ACVR1C: variants seen among roughly 807,000 people sequenced by gnomAD.
ACVR1C encodes activin A receptor type 1C, also known as activin receptor type-1C.
ACVR1C carries 23 observed loss-of-function variants against 57.9 expected under a neutral mutation model. That is an observed-to-expected ratio of 0.40 (90% CI 0.29 to 0.56). ACVR1C has a LOEUF of 0.56. ACVR1C is among the 20% of genes least tolerant of loss of function. The pLI is 0.50. For synonymous variants in ACVR1C, 214 were observed against 215.3 expected, an observed-to-expected ratio of 0.99 and a Z score of 0.05; for missense variants, 480 against 607.9, an observed-to-expected ratio of 0.79 and a Z score of 2.21.
rs564268559 is a variant in ACVR1C at position 157,528,654 on chromosome 2, T to C, written c.*5264A>G. ...TGGTATGGAACAGCAGAAATAAATT[T>C]AACAATCACATTATGGGGCATATAT... On this transcript the variant is annotated 3_prime_UTR_variant, in exon 9 of 9. Transcript: ENST00000243349. 2.0e-5 allele frequency: 3 copies of C among 152,270 alleles called. No individual in the cohort carries two copies. Among genetic ancestry groups the C allele is most frequent in the Non-Finnish European group, 4.4e-5 (3 of 67,992 alleles). 9.4% of individuals were successfully genotyped at this position (152,270 alleles called of 1,614,324 possible).
chr2:157,582,297 A>C (rs534071743), intron 2 of ACVR1C, among the ~76,000 whole-genome samples: 1 of 152,302 alleles, frequency 6.6e-6, no homozygotes, highest in South Asian at 2.1e-4. Context: ...CTGCCTTAAA[A>C]AATTTTTTTT....
At chr2:157,572,379 T>TAAAA (rs552511395) in intron 2 of ACVR1C, among the ~76,000 whole-genome samples, 2 of 136,810 alleles carry the variant, frequency 1.5e-5, no homozygotes, top group African/African-American at 5.4e-5. Context: ...AAAAAAAAAT[T>TAAAA]AAAAAAAAAA....
At chr2:157,576,299 G>A (rs146418816) in intron 2 of ACVR1C, among the ~76,000 whole-genome samples, 10,033 of 143,260 alleles carry the variant, frequency 0.07, 490 homozygotes, top group East Asian at 0.25. Context: ...TCCACCTCCC[G>A]GGTTCAAGCA....
intron 1 of ACVR1C, among the ~76,000 whole-genome samples, chr2:157,605,625 C>T (rs184080488): frequency 1.5e-4 from 23 of 151,652 alleles, no homozygotes; most frequent in Non-Finnish European, 2.7e-4. Flanking sequence ...ATAATATTTG[C>T]TTATAACCTA....
In ACVR1C at chr2:157,544,539, A is replaced by G. The variant is rs1164192911; in HGVS notation, c.849T>C (p.Asn283=). 1 of 1,613,946 alleles carries G rather than the reference A, an allele frequency of 6.2e-7. No homozygotes were observed. The highest frequency in any genetic ancestry group is 1.3e-5 in the African/African-American group (1 of 74,926). ...TTCCAGCCACGGTCACTATATTTCT[A>G]TTCAAATAGTCATATAAGGAGCCCT... ...HEQGSLYDYL[N]RNIVTVAGMI... Residue 283 remains asparagine, a synonymous_variant, in exon 5 of 9, where the codon AAT becomes AAC. Coordinates refer to ENST00000243349, the MANE Select transcript of ACVR1C (RefSeq NM_145259.3).
At chr2:157,551,277 C>G (rs1435823887) in intron 3 of ACVR1C, among the ~76,000 whole-genome samples, 1 of 152,186 alleles carries the variant, frequency 6.6e-6, no homozygotes, top group Admixed American at 6.5e-5. Context: ...ATCAATATTA[C>G]GCATCTCGCA....
intron 8 of ACVR1C, among the ~76,000 whole-genome samples, chr2:157,535,743 A>G (rs576085163): frequency 6.6e-6 from 1 of 152,308 alleles, no homozygotes; most frequent in Admixed American, 6.5e-5. Context: ...AGATCATGCC[A>G]CTGTACTCCA....
At position 157,533,568 on chromosome 2, in the gene ACVR1C, C is replaced by T. The variant is rs191510167; in HGVS notation, c.*350G>A. ...AGAAAAAAATGTTTTTACATCTTTTCCTGTTCATTCATGTGCTCTTGGTTC... is the reference window on the plus strand; with the variant it reads ...AGAAAAAAATGTTTTTACATCTTTTTCTGTTCATTCATGTGCTCTTGGTTC... On this transcript the variant is annotated 3_prime_UTR_variant, in exon 9 of 9. Transcript: ENST00000243349. 241 of 155,996 alleles carry T rather than the reference C, an allele frequency of 1.5e-3. 1 individual carries two copies. The highest frequency in any genetic ancestry group is 0.014 in the South Asian group (70 of 4,842). 9.7% of individuals were successfully genotyped at this position (155,996 alleles called of 1,614,324 possible).
At chr2:157,558,705 G>T (rs1218435918) in intron 2 of ACVR1C, among the ~76,000 whole-genome samples, 3 of 152,170 alleles carry the variant, frequency 2.0e-5, no homozygotes, top group Non-Finnish European at 2.9e-5. Context: ...AGGAGAAATT[G>T]GTCTAGAGTG....
At chr2:157,597,068 C>T (rs1558991901) in intron 1 of ACVR1C, among the ~76,000 whole-genome samples, 1 of 152,118 alleles carries the variant, frequency 6.6e-6, no homozygotes, top group African/African-American at 2.4e-5. Context: ...ACCTGTTCAG[C>T]CTTCCTGCCG....
At chr2:157,584,491 AT>A (rs144942639) in intron 2 of ACVR1C, among the ~76,000 whole-genome samples, 1,637 of 152,326 alleles carry the variant, frequency 0.011, 34 homozygotes, top group African/African-American at 0.037. Context: ...ATGAAAAATA[AT>A]TTAACATTAT....
At chr2:157,535,876 T>C (rs1286710709) in intron 8 of ACVR1C, among the ~76,000 whole-genome samples, 1 of 152,192 alleles carries the variant, frequency 6.6e-6, no homozygotes, top group Non-Finnish European at 1.5e-5. Context: ...ACATATACGT[T>C]GTTCACTTCT....
intron 2 of ACVR1C, among the ~76,000 whole-genome samples, chr2:157,580,257 G>A (rs989920126): frequency 5.3e-5 from 8 of 151,956 alleles, no homozygotes; most frequent in African/African-American, 1.9e-4. Context: ...TTTTCATCAA[G>A]TCAATTATAT....
chr2:157,612,203 G>A (rs1682550173), intron 1 of ACVR1C, among the ~76,000 whole-genome samples: 1 of 152,144 alleles, frequency 6.6e-6, no homozygotes, highest in Admixed American at 6.5e-5. Flanking sequence ...TCAGCTCCTG[G>A]CTGCAGAAGT....
intron 2 of ACVR1C, among the ~76,000 whole-genome samples, chr2:157,581,866 A>G (rs1688800081): frequency 6.6e-6 from 1 of 152,214 alleles, no homozygotes; most frequent in Non-Finnish European, 1.5e-5. Flanking sequence ...ACATTTCTAT[A>G]TTTCCTGTTT....
At chr2:157,542,907 A>G in intron 5 of ACVR1C, 45 bp from the exon 6 acceptor site, 1 of 1,578,554 alleles carries the variant, frequency 6.3e-7, no homozygotes, top group Non-Finnish European at 8.6e-7. Flanking sequence ...TTTACCGGAG[A>G]CTGTTCAAGA....
intron 1 of ACVR1C, among the ~76,000 whole-genome samples, chr2:157,620,405 A>G (rs1342170060): frequency 6.6e-6 from 1 of 152,094 alleles, no homozygotes; most frequent in Non-Finnish European, 1.5e-5. Context: ...TAGAGAAAAA[A>G]AAGATACACT....
intron 1 of ACVR1C, among the ~76,000 whole-genome samples, chr2:157,611,828 T>A (rs569287647): frequency 1.3e-5 from 2 of 152,114 alleles, no homozygotes; most frequent in Admixed American, 6.5e-5. Flanking sequence ...GCTTGGGCTC[T>A]GTGGTTGTGG....
intron 1 of ACVR1C, among the ~76,000 whole-genome samples, chr2:157,594,657 C>T (rs1216699621): frequency 6.6e-6 from 1 of 152,106 alleles, no homozygotes. Context: ...TGTTCATAGC[C>T]TCTCTGAGTT....
Sources: gnomAD v4.1 joint callset for allele counts (sites outside exome capture counted in the v4.1 genomes callset) on GRCh38, gnomAD v4.1.1 for gene constraint, MANE v1.5 for transcripts, NCBI Gene and HGNC (gene_info 2026-07-23, HGNC 2026-07-21) for gene names.